Variants in SFTPD observed in about 807,000 individuals in gnomAD.
SFTPD encodes surfactant protein D.
Under a neutral mutation model 34.6 loss-of-function variants are expected in SFTPD, and 18 were observed. The observed-to-expected ratio is 0.52, with a 90% CI of 0.36 to 0.77. The LOEUF is 0.77. SFTPD is among the 30% of genes least tolerant of loss of function. SFTPD has a pLI of 0.00. For synonymous variants in SFTPD, 155 were observed against 180.9 expected (o/e 0.86, Z 1.15); for missense variants, 433 against 468.9 (o/e 0.92, Z 0.71).
chr10:79,954,040 A>G (rs1451199103), upstream of SFTPD, among the ~76,000 whole-genome samples: 1 of 150,114 alleles, frequency 6.7e-6, no homozygotes, highest in Non-Finnish European at 1.5e-5. Context: ...TCTTTGTTAT[A>G]CTTCTAATTT....
intron 1 of SFTPD, among the ~76,000 whole-genome samples, chr10:79,975,245 TAAG>T (rs1475830275): frequency 5.3e-5 from 8 of 151,936 alleles, no homozygotes; most frequent in Admixed American, 1.3e-4. Context: ...TTCAAAATAA[TAAG>T]GAGGGGGTGC....
chr10:79,940,524 C>A (rs1432233552), intron 7 of SFTPD, among the ~76,000 whole-genome samples, 181 bp downstream of exon 7: 1 of 152,176 alleles, frequency 6.6e-6, no homozygotes, highest in African/African-American at 2.4e-5. Context: ...AGCCCTACCC[C>A]CTGCCACAGT....
intron 5 of SFTPD, 49 bp downstream of exon 5, chr10:79,941,905 G>T: frequency 8.2e-7 from 1 of 1,217,120 alleles, no homozygotes; most frequent in Non-Finnish European, 1.2e-6. Context: ...GCTCCAAGCA[G>T]GCACAGGAGA....
At chr10:79,976,557 G>GA (rs1050785509) in intron 1 of SFTPD, among the ~76,000 whole-genome samples, 14 of 151,928 alleles carry the variant, frequency 9.2e-5, no homozygotes, top group Admixed American at 6.6e-4. Flanking sequence ...GTCCAGGCTG[G>GA]AAAAAAAGGG....
At chr10:79,981,543 G>A (rs1315274005) in intron 1 of SFTPD, among the ~76,000 whole-genome samples, 1 of 152,172 alleles carries the variant, frequency 6.6e-6, no homozygotes, top group African/African-American at 2.4e-5. Flanking sequence ...AGATCCTCCC[G>A]CCAGCCCAGC....
intron 1 of SFTPD, among the ~76,000 whole-genome samples, chr10:79,961,121 C>T (rs1842769905): frequency 6.6e-6 from 1 of 152,164 alleles, no homozygotes; most frequent in Admixed American, 6.5e-5. Flanking sequence ...GGATCCCTTC[C>T]TTACACCTTA....
chr10:79,948,585 T>C lies in SFTPD; in HGVS notation c.-4+481A>G, dbSNP rs577765719. 2.0e-5 allele frequency among the ~76,000 whole-genome samples: 3 copies of C among 152,304 alleles called. 1 individual carries two copies. Among genetic ancestry groups the C allele is most frequent in the South Asian group, 2.1e-4 (1 of 4,826 alleles). ...AATCAGAGACCTACTCCAGTAAGTA[T>C]ATTTTTTAAAGTAAAGACCTGAAGC... is the stretch of plus-strand genomic sequence containing the variant. On this transcript the variant is annotated intron_variant, in intron 1 of 7. Transcript: ENST00000372292.
intron 1 of SFTPD, among the ~76,000 whole-genome samples, chr10:79,954,466 T>C (rs548640285): frequency 6.6e-5 from 10 of 152,350 alleles, no homozygotes; most frequent in Admixed American, 1.3e-4. Context: ...AGCAGGCCTA[T>C]TGCCATTGTC....
rs17884441 is a variant in SFTPD at position 79,940,666 on chromosome 10, A to G, written c.751+39T>C. On this transcript the variant is annotated intron_variant, in intron 7 of 7. Coordinates refer to ENST00000372292, the MANE Select transcript of SFTPD (RefSeq NM_003019.5). ...AGGTCAAGATCTAGTGTGGGGCCCA[A>G]TGCCAGTGCTGGGTCCAGGTTCAGA... 3.1e-4 allele frequency: 416 copies of G among 1,326,336 alleles called. 1 individual carries two copies. The African/African-American group carries it at 5.1e-3, about 16-fold the overall frequency. The allele number at this position is 1,326,336 out of a possible 1,614,324, so 82.2% of individuals were successfully genotyped here.
chr10:79,940,939 T>C, intron 6 of SFTPD, 151 bp from the exon 7 acceptor site: 1 of 601,680 alleles, frequency 1.7e-6, no homozygotes, highest in Non-Finnish European at 3.0e-6. Flanking sequence ...AGCTGGCCTC[T>C]GCTGTGTAAG....
chr10:79,962,389 T>G (rs541183982), intron 1 of SFTPD, among the ~76,000 whole-genome samples: 16 of 152,292 alleles, frequency 1.1e-4, no homozygotes, highest in Non-Finnish European at 1.8e-4. Flanking sequence ...TCTATGTATA[T>G]GTGAATCTGT....
At chr10:79,939,012 G>T (rs17879583) in intron 7 of SFTPD, among the ~76,000 whole-genome samples, 1 of 152,178 alleles carries the variant, frequency 6.6e-6, no homozygotes, top group Admixed American at 6.5e-5. Context: ...TCCACATTGC[G>T]TGGGCAAGGG....
At chr10:79,948,641 C>T (rs1220575202) in intron 1 of SFTPD, among the ~76,000 whole-genome samples, 1 of 152,188 alleles carries the variant, frequency 6.6e-6, no homozygotes, top group Non-Finnish European at 1.5e-5. Flanking sequence ...CCTGCTTTTC[C>T]ACAGGCTGTT....
chr10:79,945,079 C>G (rs1842652460), intron 2 of SFTPD, among the ~76,000 whole-genome samples: 1 of 152,088 alleles, frequency 6.6e-6, no homozygotes, highest in Non-Finnish European at 1.5e-5. Context: ...TCCTGTAGCC[C>G]CACCGTGTTC....
intron 7 of SFTPD, among the ~76,000 whole-genome samples, chr10:79,939,873 T>C (rs1842594492): frequency 6.6e-6 from 1 of 152,154 alleles, no homozygotes; most frequent in Non-Finnish European, 1.5e-5. Context: ...TAGGGGCAGT[T>C]GGGCACTGAT....
chr10:79,980,466 T>G (rs1842884433), intron 1 of SFTPD, among the ~76,000 whole-genome samples: 1 of 152,150 alleles, frequency 6.6e-6, no homozygotes, highest in African/African-American at 2.4e-5. Flanking sequence ...GAACATTGAA[T>G]AAACATCAGT....
chr10:79,942,491 A>G lies in SFTPD; in HGVS notation c.330T>C (p.Pro110=). 6.2e-7 allele frequency: 1 copy of G among 1,609,352 alleles called. No homozygotes were observed. The highest frequency in any genetic ancestry group is 8.5e-7 in the Non-Finnish European group (1 of 1,175,842). The change falls in exon 4 of 8, where the codon CCT becomes CCC. Residue 110 remains proline, a synonymous_variant. Coordinates refer to ENST00000372292, the MANE Select transcript of SFTPD (RefSeq NM_003019.5). ...TTCCAGCTGGACCAGGCACACCGGG[A>G]GGTCCTGGAGGTCCTGAGCAAAAGC... ...GDTGPSGPPG[P]PGVPGPAGRE... is the part of the protein sequence containing the mutation.
At chr10:79,976,928 G>A (rs1842866936) in intron 1 of SFTPD, among the ~76,000 whole-genome samples, 1 of 152,160 alleles carries the variant, frequency 6.6e-6, no homozygotes, top group Non-Finnish European at 1.5e-5. Context: ...ATGAGATCTG[G>A]TGGATTTATC....
At chr10:79,942,737 C>G in intron 3 of SFTPD, 26 bp downstream of exon 3, 1 of 1,436,738 alleles carries the variant, frequency 7.0e-7, no homozygotes, top group Non-Finnish European at 9.8e-7. Flanking sequence ...CCTGGAAACA[C>G]CTGAAGTCGA....
Sources: gnomAD v4.1 joint callset for allele counts (sites outside exome capture counted in the v4.1 genomes callset) on GRCh38, gnomAD v4.1.1 for gene constraint, MANE v1.5 for transcripts, NCBI Gene and HGNC (gene_info 2026-07-23, HGNC 2026-07-21) for gene names.